Variants in ASIC2 observed in about 807,000 individuals in gnomAD.
ASIC2 encodes acid-sensing ion channel 2.
Under a neutral mutation model 57.3 loss-of-function variants are expected in ASIC2, and 25 were observed. The ratio of observed to expected loss-of-function variants is 0.44; its 90% CI spans 0.32 to 0.61. The LOEUF is 0.61. Ranked by LOEUF, ASIC2 falls within the 20% of genes least tolerant of loss-of-function variation. The pLI is 0.06. For missense variants in ASIC2, 641 were observed against 738.1 expected (o/e 0.87, Z 1.52); for synonymous variants, 319 against 307.5 (o/e 1.04, Z -0.39).
At chr17:33,500,100 C>G (rs1290694517) in intron 1 of ASIC2, among the ~76,000 whole-genome samples, 2 of 151,628 alleles carry the variant, frequency 1.3e-5, no homozygotes, top group Non-Finnish European at 2.9e-5. Context: ...AGACTACATA[C>G]AGAAAAAAAA....
intron 1 of ASIC2, among the ~76,000 whole-genome samples, chr17:33,457,521 C>T (rs544142229): frequency 3.4e-5 from 5 of 149,152 alleles, no homozygotes; most frequent in African/African-American, 1.2e-4. Context: ...TCTATATCCA[C>T]TTATTAAGAA....
chr17:34,125,927 T>TGCCC (rs148938798), intron 1 of ASIC2, among the ~76,000 whole-genome samples: 4,208 of 152,300 alleles, frequency 0.028, 191 homozygotes, highest in African/African-American at 0.095. Flanking sequence ...CAGGAGGCCA[T>TGCCC]GCCCCCCATC....
chr17:33,992,597 C>T (rs953141241), intron 1 of ASIC2, among the ~76,000 whole-genome samples: 1 of 152,180 alleles, frequency 6.6e-6, no homozygotes, highest in Non-Finnish European at 1.5e-5. Context: ...CACATTGGCT[C>T]GCAAAAGCCA....
intron 1 of ASIC2, among the ~76,000 whole-genome samples, chr17:33,911,253 TA>T (rs1380806003): frequency 6.6e-6 from 1 of 152,134 alleles, no homozygotes; most frequent in Non-Finnish European, 1.5e-5. Context: ...GCGTATCAGT[TA>T]GAATTCAGTT....
rs185311358 is a variant in ASIC2 at position 33,961,775 on chromosome 17, C to T, written c.555+194203G>A. 1.8e-3 allele frequency among the ~76,000 whole-genome samples: 270 copies of T among 152,170 alleles called. 5 individuals carry two copies. The highest frequency in any genetic ancestry group is 6.8e-3 in the Middle Eastern group (2 of 294). ...AAGTCAACCAAAGGGAGTCAGGTAG[C>T]CCTGGCTGCCCCTTCAGGCAGGAAG... On this transcript the variant is annotated intron_variant, in intron 1 of 9. Coordinates refer to the ASIC2 transcript ENST00000359872.
intron 1 of ASIC2, among the ~76,000 whole-genome samples, chr17:33,797,422 T>C (rs1304604896): frequency 6.6e-6 from 1 of 152,168 alleles, no homozygotes; most frequent in African/African-American, 2.4e-5. Flanking sequence ...TAATGCAGAA[T>C]GGCTGGGGGA....
rs576643445 is a variant in ASIC2, at chr17:33,075,507, G to A, written c.987+13356C>T. On this transcript the variant is annotated intron_variant, in intron 3 of 9. Transcript: ENST00000225823. ...AAGCACCAGAAATGTGTTCAGGAAA[G>A]GGGCGAGACAGTCTTCATTATCACC... Among the ~76,000 whole-genome samples, 18 of 152,278 alleles carry A rather than the reference G, an allele frequency of 1.2e-4. 2 individuals are homozygous for A. The South Asian group carries it at 3.5e-3, about 30-fold the overall frequency.
intron 1 of ASIC2, among the ~76,000 whole-genome samples, chr17:33,698,442 G>A (rs1405451239): frequency 6.6e-6 from 1 of 152,170 alleles, no homozygotes; most frequent in Non-Finnish European, 1.5e-5. Context: ...GTTATTATTA[G>A]CTGTCATTTT....
chr17:33,579,529 C>CG (rs1306290614), intron 1 of ASIC2, among the ~76,000 whole-genome samples: 2 of 152,096 alleles, frequency 1.3e-5, no homozygotes, highest in East Asian at 3.9e-4. Context: ...GGTGGGTTCT[C>CG]GGTCTCCCTG....
Position 33,165,850 on chromosome 17 carries a change from T to C in ASIC2, c.709-53783A>G, listed in dbSNP as rs534516981. ...CATTCCCTGTAGACTAATTTTAGACTTCACTTTCACTTATTCATTCATTCA... is the reference window on the plus strand; with the variant it reads ...CATTCCCTGTAGACTAATTTTAGACCTCACTTTCACTTATTCATTCATTCA... On this transcript the variant is annotated intron_variant, in intron 1 of 9. Coordinates refer to ENST00000225823, the MANE Select transcript of ASIC2 (RefSeq NM_183377.2). Among the ~76,000 whole-genome samples, 9 of 152,282 alleles carry C rather than the reference T, an allele frequency of 5.9e-5. No individual in the cohort carries two copies. In the East Asian group the frequency reaches 1.6e-3, roughly 26 times the overall value.
At chr17:34,007,620 G>A (rs1272000750) in intron 1 of ASIC2, among the ~76,000 whole-genome samples, 6 of 152,208 alleles carry the variant, frequency 3.9e-5, no homozygotes, top group Admixed American at 2.6e-4. Context: ...GCATGGCAGA[G>A]CCAGAATGAG....
At chr17:33,129,948 G>A (rs1441367166) in intron 1 of ASIC2, among the ~76,000 whole-genome samples, 4 of 152,216 alleles carry the variant, frequency 2.6e-5, no homozygotes, top group South Asian at 4.1e-4. Flanking sequence ...GCTGAACAGC[G>A]GCGGCCACTG....
intron 3 of ASIC2, among the ~76,000 whole-genome samples, chr17:33,058,363 G>A (rs764070815): frequency 6.6e-6 from 1 of 150,802 alleles, no homozygotes; most frequent in Non-Finnish European, 1.5e-5. Flanking sequence ...AGATTTCCAC[G>A]GATTGTTATT....
At chr17:33,391,082 A>G (rs1909871904) in intron 1 of ASIC2, among the ~76,000 whole-genome samples, 1 of 152,216 alleles carries the variant, frequency 6.6e-6, no homozygotes, top group African/African-American at 2.4e-5. Flanking sequence ...ATCTTCTCCT[A>G]ACAATGTCCC....
chr17:33,491,658 C>T lies in ASIC2; in HGVS notation c.556-379591G>A, dbSNP rs543597571. Among the ~76,000 whole-genome samples the T allele has an allele frequency of 2.4e-4, 37 of 152,314 alleles. No homozygotes were observed. In the South Asian group the frequency reaches 6.8e-3, roughly 28 times the overall value. On this transcript the variant is annotated intron_variant, in intron 1 of 9. Coordinates refer to the ASIC2 transcript ENST00000359872. ...AGCCTAATCATTCTGGGAGGCCAGG[C>T]CCCTGTGTTAGAAGCTGTTGGCTGA...
intron 1 of ASIC2, among the ~76,000 whole-genome samples, chr17:33,116,644 G>A (rs1253825695): frequency 6.6e-6 from 1 of 152,102 alleles, no homozygotes; most frequent in Non-Finnish European, 1.5e-5. Flanking sequence ...ATGGTGGGGG[G>A]TGGGGGCTCC....
chr17:33,234,917 G>A (rs778967886), intron 1 of ASIC2, among the ~76,000 whole-genome samples: 5 of 152,138 alleles, frequency 3.3e-5, no homozygotes, highest in Non-Finnish European at 4.4e-5. Context: ...AACACTATGC[G>A]TGCCCCTGAG....
At chr17:33,368,600 G>A (rs774381869) in intron 1 of ASIC2, among the ~76,000 whole-genome samples, 68 of 152,298 alleles carry the variant, frequency 4.5e-4, no homozygotes, top group South Asian at 8.3e-4. Flanking sequence ...TTTTCCCAAC[G>A]TTAGCACTGA....
chr17:33,696,961 G>T (rs1342447993), intron 1 of ASIC2, among the ~76,000 whole-genome samples: 1 of 152,126 alleles, frequency 6.6e-6, no homozygotes, highest in African/African-American at 2.4e-5. Flanking sequence ...GGAGGTGATT[G>T]GATCATGAGG....
Sources: allele counts gnomAD v4.1 joint callset (sites outside exome capture counted in the v4.1 genomes callset), GRCh38; gene constraint gnomAD v4.1.1; transcripts MANE v1.5; gene names NCBI Gene and HGNC (gene_info 2026-07-23, HGNC 2026-07-21).